Variants in RSF1 observed in about 807,000 individuals in gnomAD.
RSF1 encodes the protein remodeling and spacing factor 1.
Under a neutral mutation model 145.2 loss-of-function variants are expected in RSF1, and 13 were observed. That is an observed-to-expected ratio of 0.09 (90% confidence interval 0.06 to 0.14). The LOEUF is 0.14. Among genes scored for constraint, RSF1 ranks in the 10% least tolerant of loss-of-function variants. The pLI is 1.00. For missense variants in RSF1, 1,517 were observed against 1,718.2 expected (o/e 0.88, Z 2.07); for synonymous variants, 577 against 592.6 (o/e 0.97, Z 0.38).
At chr11:77,783,424 T>A (rs1202803572) in intron 1 of RSF1, among the ~76,000 whole-genome samples, 1 of 152,240 alleles carries the variant, frequency 6.6e-6, no homozygotes, top group African/African-American at 2.4e-5. Context: ...TGCAAGTGGC[T>A]AGCTCATAAC....
At chr11:77,744,341 A>G (rs11237278) in intron 3 of RSF1, among the ~76,000 whole-genome samples, 1 of 149,938 alleles carries the variant, frequency 6.7e-6, no homozygotes, top group Non-Finnish European at 1.5e-5. Flanking sequence ...TTTATTTTTT[A>G]AAGACAAGAG....
rs745630976 is a variant in RSF1 at position 77,808,527 on chromosome 11, C to CTTTTTTTTT, written c.187+11992_187+12000dup. Among the ~76,000 whole-genome samples the CTTTTTTTTT allele has an allele frequency of 5.2e-4, 31 of 59,996 alleles. 3 individuals are homozygous for CTTTTTTTTT. Among genetic ancestry groups the CTTTTTTTTT allele is most frequent in the Admixed American group, 9.6e-4 (3 of 3,126 alleles). The allele number at this position is 59,996 out of a possible 152,430, so 39.4% of individuals were successfully genotyped here. On this transcript the variant is annotated intron_variant, in intron 1 of 15. Coordinates refer to ENST00000308488, the MANE Select transcript of RSF1 (RefSeq NM_016578.4). ...TTAGTATCCCATTCAAATATTATAC[C>CTTTTTTTTT]TTTTTTTTTTTTTTTTTTTTTTTTG...
At chr11:77,756,187 G>C (rs1315292229) in intron 2 of RSF1, among the ~76,000 whole-genome samples, 1 of 151,688 alleles carries the variant, frequency 6.6e-6, no homozygotes, top group Non-Finnish European at 1.5e-5. Flanking sequence ...GAGAAACCCT[G>C]TCTCAGCTAA....
At chr11:77,794,758 A>G (rs1246045288) in intron 1 of RSF1, among the ~76,000 whole-genome samples, 3 of 152,224 alleles carry the variant, frequency 2.0e-5, no homozygotes, top group Non-Finnish European at 4.4e-5. Context: ...GAATATGTAC[A>G]AGTTGAAAAA....
At chr11:77,683,567 T>A (rs778436068) in intron 11 of RSF1, 143 bp downstream of exon 11, 161 of 491,056 alleles carry the variant, frequency 3.3e-4, no homozygotes, top group Non-Finnish European at 4.8e-4. Flanking sequence ...AAAAAAAAAA[T>A]TCTATGACTA....
chr11:77,770,590 TG>T (rs1388069638), intron 1 of RSF1, among the ~76,000 whole-genome samples: 1 of 152,254 alleles, frequency 6.6e-6, no homozygotes, highest in Non-Finnish European at 1.5e-5. Flanking sequence ...GGGTATCTGC[TG>T]TTCCAATTTA....
chr11:77,679,585 A>G (rs764661640), intron 11 of RSF1, among the ~76,000 whole-genome samples: 11 of 151,524 alleles, frequency 7.3e-5, no homozygotes, highest in Non-Finnish European at 1.2e-4. Context: ...AGACAAGAGG[A>G]TTGCTTGAGC....
chr11:77,835,989 A>G, the RSF1 span, among the ~76,000 whole-genome samples: 1 of 152,216 alleles, frequency 6.6e-6, no homozygotes, highest in Admixed American at 6.5e-5. Context: ...CTGTAGAGTC[A>G]GACAGACTTG....
rs1048610806 is a variant in RSF1, at chr11:77,666,087, C to A, written c.*830G>T. On this transcript the variant is annotated 3_prime_UTR_variant, in exon 16 of 16. Transcript: ENST00000308488. ...AGTCCACCCAGGCCTTAAGAAAGACCACATTCATTTCACTAATAACTCTCC... is the reference window on the plus strand; with the variant it reads ...AGTCCACCCAGGCCTTAAGAAAGACAACATTCATTTCACTAATAACTCTCC... 6.6e-5 allele frequency: 10 copies of A among 152,100 alleles called. No individual in the cohort carries two copies. 9.4% of individuals were successfully genotyped at this position (152,100 alleles called of 1,614,324 possible).
rs578155874 is a variant in RSF1, at chr11:77,806,493, T to C, written c.187+14035A>G. On this transcript the variant is annotated intron_variant, in intron 1 of 15. Coordinates refer to ENST00000308488, the MANE Select transcript of RSF1 (RefSeq NM_016578.4). ...ATTATAAAACCCAGCCTGGGCTACA[T>C]AGCAACACCCATCTCTATAAAAAAA... is the stretch of plus-strand genomic sequence containing the variant. 2.5e-4 allele frequency among the ~76,000 whole-genome samples: 38 copies of C among 152,090 alleles called. No homozygotes were observed. The South Asian group carries it at 5.2e-3, about 21-fold the overall frequency.
chr11:77,820,726 G>C (rs1193446539), upstream of RSF1: 8 of 1,543,070 alleles, frequency 5.2e-6, no homozygotes, highest in Non-Finnish European at 6.1e-6. Flanking sequence ...TTGAACTGGA[G>C]GATGGAGGAG....
At chr11:77,793,177 A>AT (rs1294876101) in intron 1 of RSF1, among the ~76,000 whole-genome samples, 3 of 152,202 alleles carry the variant, frequency 2.0e-5, no homozygotes, top group Admixed American at 6.5e-5. Flanking sequence ...AACTGGCTGA[A>AT]TGGATAAAGA....
At chr11:77,776,691 G>A (rs1006563272) in intron 1 of RSF1, among the ~76,000 whole-genome samples, 1 of 152,118 alleles carries the variant, frequency 6.6e-6, no homozygotes, top group African/African-American at 2.4e-5. Context: ...CCTTATTTGA[G>A]GGCTAGCCAG....
Position 77,771,148 on chromosome 11 carries a change from G to A in RSF1, c.188-6459C>T, listed in dbSNP as rs184414476. ...AACAAATTTAAAAAGAAAGAATGAC[G>A]TGACAGTACTTAAGGGGGAAGAACG... On this transcript the variant is annotated intron_variant, in intron 1 of 15. Transcript: ENST00000308488. 1.3e-3 allele frequency among the ~76,000 whole-genome samples: 197 copies of A among 152,298 alleles called. 1 individual carries two copies. Among genetic ancestry groups the A allele is most frequent in the African/African-American group, 4.4e-3 (181 of 41,558 alleles).
intron 5 of RSF1, among the ~76,000 whole-genome samples, chr11:77,712,941 C>T (rs1264734545): frequency 6.6e-6 from 1 of 152,056 alleles, no homozygotes; most frequent in Non-Finnish European, 1.5e-5. Context: ...CCTTATTTTC[C>T]TGCATTACCA....
intron 9 of RSF1, among the ~76,000 whole-genome samples, chr11:77,688,514 CAA>C (rs1960068541): frequency 6.6e-6 from 1 of 152,136 alleles, no homozygotes; most frequent in African/African-American, 2.4e-5. Context: ...AAAATAAAAA[CAA>C]GAGAAACAGC....
chr11:77,680,201 G>A (rs1348902747), intron 11 of RSF1, among the ~76,000 whole-genome samples: 2 of 152,182 alleles, frequency 1.3e-5, no homozygotes, highest in African/African-American at 2.4e-5. Flanking sequence ...GGGAGGCTGA[G>A]GCAGGAGTAT....
At position 77,662,740 on chromosome 11, in the gene RSF1, G is replaced by A. The variant is rs566995237; in HGVS notation, c.*4177C>T. 6.6e-6 allele frequency: 1 copy of A among 152,222 alleles called. No homozygotes were observed. The highest frequency in any genetic ancestry group is 1.9e-4 in the East Asian group (1 of 5,182). 9.4% of individuals were successfully genotyped at this position (152,222 alleles called of 1,614,324 possible). The stretch of plus-strand genomic sequence containing the variant: ...TGGGAAAGGTAGATGATATAGGAAT[G>A]GATTTTAATCTGAGAAGATTCAATA... On this transcript the variant is annotated 3_prime_UTR_variant, in exon 16 of 16. Coordinates refer to ENST00000308488, the MANE Select transcript of RSF1 (RefSeq NM_016578.4).
chr11:77,805,687 T>C (rs561833146), intron 1 of RSF1, among the ~76,000 whole-genome samples: 65 of 152,344 alleles, frequency 4.3e-4, no homozygotes, highest in African/African-American at 1.4e-3. Flanking sequence ...AAAACAAGAA[T>C]TGCAAAATAT....
Sources: allele counts gnomAD v4.1 joint callset (sites outside exome capture counted in the v4.1 genomes callset), GRCh38; gene constraint gnomAD v4.1.1; transcripts MANE v1.5; gene names NCBI Gene and HGNC (gene_info 2026-07-23, HGNC 2026-07-21).